The following RAD51B variants were observed in gnomAD, a reference collection of about 807,000 sequenced individuals.
RAD51B encodes the protein RAD51 paralog B.
RAD51B carries 38 observed loss-of-function variants against 42.2 expected under a neutral mutation model. That is an observed-to-expected ratio of 0.90 (90% CI 0.70 to 1.18). The LOEUF is 1.18. Ranked by LOEUF, RAD51B falls within the 50% of genes most tolerant of loss-of-function variation. The pLI is 0.00. For synonymous variants in RAD51B, 154 were observed against 145.2 expected (o/e 1.06, Z -0.43); for missense variants, 373 against 400.7 (o/e 0.93, Z 0.59).
intron 2 of RAD51B, among the ~76,000 whole-genome samples, chr14:67,824,003 T>C (rs1254856428): frequency 2.0e-5 from 3 of 152,230 alleles, no homozygotes; most frequent in African/African-American, 7.2e-5. Flanking sequence ...ATGAGAAATA[T>C]ATAGAGCGGA....
chr14:67,869,479 C>A (rs536177555), intron 5 of RAD51B, among the ~76,000 whole-genome samples: 1 of 152,012 alleles, frequency 6.6e-6, no homozygotes, highest in African/African-American at 2.4e-5. Context: ...CTGAAAGTGA[C>A]GGGGAGAATG....
intron 7 of RAD51B, among the ~76,000 whole-genome samples, chr14:68,064,412 A>G (rs1262545059): frequency 3.9e-5 from 6 of 152,188 alleles, no homozygotes; most frequent in Non-Finnish European, 7.3e-5. Flanking sequence ...CAGTTTGACT[A>G]TAATGTGCCT....
intron 7 of RAD51B, among the ~76,000 whole-genome samples, chr14:68,151,667 G>C (rs2078384756): frequency 1.3e-5 from 2 of 151,588 alleles, no homozygotes; most frequent in South Asian, 4.2e-4. Flanking sequence ...ATGCCTTCAA[G>C]TTCTCTAATC....
intron 10 of RAD51B, among the ~76,000 whole-genome samples, chr14:68,588,169 T>C (rs1890579176): frequency 6.6e-6 from 1 of 152,198 alleles, no homozygotes; most frequent in Non-Finnish European, 1.5e-5. Flanking sequence ...CTCAGTAGTA[T>C]GTGACTTTAA....
intron 7 of RAD51B, among the ~76,000 whole-genome samples, chr14:68,011,480 T>C (rs2075683152): frequency 6.6e-6 from 1 of 152,084 alleles, no homozygotes; most frequent in African/African-American, 2.4e-5. Context: ...CACATTTGTT[T>C]GATTTGTCAT....
chr14:68,509,312 T>C (rs530973456), intron 10 of RAD51B, among the ~76,000 whole-genome samples: 1 of 152,344 alleles, frequency 6.6e-6, no homozygotes, highest in South Asian at 2.1e-4. Flanking sequence ...GCTCCCCAGC[T>C]CCCTTCATTA....
chr14:68,600,571 G>T (rs1445862001), downstream of RAD51B, among the ~76,000 whole-genome samples: 3 of 152,144 alleles, frequency 2.0e-5, no homozygotes, highest in African/African-American at 7.2e-5. Flanking sequence ...ATCAGCACCC[G>T]CTGGGGCCAC....
intron 7 of RAD51B, among the ~76,000 whole-genome samples, chr14:68,084,086 C>A (rs1307590500): frequency 6.6e-6 from 1 of 151,992 alleles, no homozygotes; most frequent in Non-Finnish European, 1.5e-5. Flanking sequence ...GAAAATGAAG[C>A]CTTCAGTAAA....
At chr14:68,248,916 C>T (rs919639970) in intron 7 of RAD51B, among the ~76,000 whole-genome samples, 2 of 152,238 alleles carry the variant, frequency 1.3e-5, no homozygotes, top group Non-Finnish European at 2.9e-5. Flanking sequence ...GGTGCTGGCA[C>T]CCTCGCCTTT....
intron 10 of RAD51B, among the ~76,000 whole-genome samples, chr14:68,575,889 G>T (rs554066028): frequency 6.6e-6 from 1 of 152,322 alleles, no homozygotes; most frequent in East Asian, 1.9e-4. Context: ...TTTTCAAAAG[G>T]ATTTGACTAA....
chr14:67,839,156 G>A (rs1419083545), intron 4 of RAD51B, among the ~76,000 whole-genome samples: 3 of 151,994 alleles, frequency 2.0e-5, no homozygotes, highest in African/African-American at 4.8e-5. Flanking sequence ...TTTTAGTAGT[G>A]TCTTTGTCTG....
At chr14:67,839,460 A>G (rs1051923518) in intron 4 of RAD51B, among the ~76,000 whole-genome samples, 3 of 152,026 alleles carry the variant, frequency 2.0e-5, no homozygotes, top group Non-Finnish European at 2.9e-5. Context: ...ATTTATTATA[A>G]TAAAGTTATT....
intron 9 of RAD51B, among the ~76,000 whole-genome samples, chr14:68,425,441 A>C (rs1295136534): frequency 5.9e-5 from 9 of 152,164 alleles, no homozygotes; most frequent in Admixed American, 5.9e-4. Context: ...TTATCAAGAG[A>C]AGTGGGTTTG....
intron 9 of RAD51B, among the ~76,000 whole-genome samples, chr14:68,432,252 A>C (rs1594828791): frequency 6.6e-6 from 1 of 152,222 alleles, no homozygotes; most frequent in East Asian, 1.9e-4. Flanking sequence ...AGAGTTCTAT[A>C]GATGTCTATT....
intron 7 of RAD51B, among the ~76,000 whole-genome samples, chr14:68,154,899 C>T (rs1042845157): frequency 1.3e-5 from 2 of 152,118 alleles, no homozygotes. Flanking sequence ...AATGACCAAT[C>T]ACAAAACAGG....
intron 10 of RAD51B, among the ~76,000 whole-genome samples, chr14:68,640,186 A>G (rs75780944): frequency 0.014 from 2,124 of 151,988 alleles, 44 homozygotes; most frequent in African/African-American, 0.045. Context: ...ATGTGTGATG[A>G]CATTAGCTTT....
intron 4 of RAD51B, among the ~76,000 whole-genome samples, chr14:67,853,725 C>A (rs184916539): frequency 1.3e-5 from 2 of 152,314 alleles, no homozygotes; most frequent in Admixed American, 1.3e-4. Flanking sequence ...GAGTAAGAAT[C>A]AATCTGGAAA....
chr14:67,870,201 C>A (rs2042476173), intron 5 of RAD51B, among the ~76,000 whole-genome samples: 1 of 151,452 alleles, frequency 6.6e-6, no homozygotes, highest in African/African-American at 2.4e-5. Context: ...ATCTCACGTG[C>A]AGAGACACAC....
At chr14:68,384,502 C>T (rs918789861) in intron 8 of RAD51B, among the ~76,000 whole-genome samples, 2 of 152,154 alleles carry the variant, frequency 1.3e-5, no homozygotes, top group Admixed American at 6.5e-5. Flanking sequence ...GTGAAGCGGT[C>T]GTTTGCCTCC....
Sources: allele counts gnomAD v4.1 joint callset (sites outside exome capture counted in the v4.1 genomes callset), GRCh38; gene constraint gnomAD v4.1.1; transcripts MANE v1.5; gene names NCBI Gene and HGNC (gene_info 2026-07-23, HGNC 2026-07-21).